The following RIC3 variants were observed in gnomAD, a reference collection of about 807,000 sequenced individuals.
RIC3 encodes the protein protein RIC-3.
RIC3 carries 28 observed loss-of-function variants against 27.3 expected under a neutral mutation model. The ratio of observed to expected loss-of-function variants is 1.02; its 90% CI spans 0.76 to 1.41. The LOEUF (loss-of-function observed/expected upper bound fraction) is 1.41, where lower values mean the gene tolerates loss of function less well. Among genes scored for constraint, RIC3 ranks in the 40% most tolerant of loss-of-function variants. The pLI is 0.00. For missense variants in RIC3, 501 were observed against 444.7 expected (o/e 1.13, Z -1.14); for synonymous variants, 184 against 160.4 (o/e 1.15, Z -1.11).
At chr11:8,164,903 C>A (rs1176088431) in intron 1 of RIC3, among the ~76,000 whole-genome samples, 2 of 150,578 alleles carry the variant, frequency 1.3e-5, no homozygotes, top group Non-Finnish European at 3.0e-5. Context: ...AATAAACACA[C>A]AAAAAATGCT....
rs1268385324 is a variant in RIC3 at position 8,142,406 on chromosome 11, C to CA, written c.125-2214dup. On this transcript the variant is annotated intron_variant, in intron 1 of 5. Transcript: ENST00000309737. Reference sequence around the variant, plus strand: ...AGAGAATACTACAAACACCTCTACGCAAAAAAACTAGAAAATCTAGAAGAA... The same window carrying CA: ...AGAGAATACTACAAACACCTCTACGCAAAAAAAACTAGAAAATCTAGAAGAA... Among the ~76,000 whole-genome samples the CA allele has an allele frequency of 1.8e-4, 28 of 151,632 alleles. No homozygotes were observed. In the East Asian group the frequency reaches 4.3e-3, roughly 23 times the overall value.
the RIC3 span, among the ~76,000 whole-genome samples, chr11:8,099,806 A>G: frequency 6.6e-5 from 10 of 151,888 alleles, no homozygotes; most frequent in Middle Eastern, 3.4e-3. Flanking sequence ...GAAGGAAGTG[A>G]AAAACAGCAG....
At chr11:8,100,910 G>A in the RIC3 span, 3 of 1,614,170 alleles carry the variant, frequency 1.9e-6, no homozygotes, top group Non-Finnish European at 2.5e-6. Flanking sequence ...TGTCTGGAAT[G>A]ATGACACACA....
Position 8,108,036 on chromosome 11 carries a change from CTAAA to C in RIC3, c.*2658_*2661del, listed in dbSNP as rs1243625756. On this transcript the variant is annotated 3_prime_UTR_variant, in exon 6 of 6. Transcript: ENST00000309737. ...AAATCCAAAAAGAATTTTCTAAATC[CTAAA>C]TAACTGAAAGGTACATCCAAATGTC... 1 of 152,150 alleles carries C rather than the reference CTAAA, an allele frequency of 6.6e-6. No individual in the cohort carries two copies. The highest frequency in any genetic ancestry group is 1.9e-4 in the East Asian group (1 of 5,198). The allele number at this position is 152,150 out of a possible 1,614,324, so 9.4% of individuals were successfully genotyped here.
chr11:8,122,864 C>CAAAAAAAA (rs55826618), intron 5 of RIC3, among the ~76,000 whole-genome samples: 1 of 63,510 alleles, frequency 1.6e-5, no homozygotes. Flanking sequence ...ACCAGGTATG[C>CAAAAAAAA]AAAAAAAAAA....
At chr11:8,146,059 T>TTA (rs1056654277) in intron 1 of RIC3, among the ~76,000 whole-genome samples, 2 of 152,132 alleles carry the variant, frequency 1.3e-5, no homozygotes, top group Non-Finnish European at 2.9e-5. Flanking sequence ...TCAAATAAGG[T>TTA]TATATATATG....
At chr11:8,098,368 T>A in the RIC3 span, among the ~76,000 whole-genome samples, 1 of 152,112 alleles carries the variant, frequency 6.6e-6, no homozygotes, top group African/African-American at 2.4e-5. Flanking sequence ...GGACTGAGAC[T>A]TAGGCTGGCT....
intron 5 of RIC3, among the ~76,000 whole-genome samples, chr11:8,123,564 T>A (rs1946693004): frequency 6.6e-6 from 1 of 152,132 alleles, no homozygotes; most frequent in South Asian, 2.1e-4. Context: ...CTTACGTATA[T>A]TAAATGGATA....
chr11:8,110,805 T>C lies in RIC3; in HGVS notation c.1003A>G (p.Lys335Glu). Residue 335 changes from lysine to glutamate, a missense_variant, in exon 6 of 6, where the codon AAA becomes GAA. Transcript: ENST00000309737. The part of the protein sequence containing the change: ...DSYPEQEETT[K>E]EEWSQDFKDE... ...TTAAAGTCTTGGGACCACTCTTCTT[T>C]GGTGGTTTCCTCTTGCTCAGGGTAG... is the stretch of plus-strand genomic sequence containing the variant. 1 of 1,614,216 alleles carries C rather than the reference T, an allele frequency of 6.2e-7. No homozygotes were observed. Among genetic ancestry groups the C allele is most frequent in the Non-Finnish European group, 8.5e-7 (1 of 1,180,018 alleles).
At chr11:8,133,885 T>C (rs1948039069) in intron 4 of RIC3, among the ~76,000 whole-genome samples, 1 of 152,096 alleles carries the variant, frequency 6.6e-6, no homozygotes, top group Non-Finnish European at 1.5e-5. Flanking sequence ...TAAATAATAA[T>C]GAGAAAATAT....
At chr11:8,101,596 G>C, downstream of RIC3, 1 of 1,614,190 alleles carries the variant, frequency 6.2e-7, no homozygotes, top group Non-Finnish European at 8.5e-7. Context: ...GTCCAGCTTC[G>C]ACAGCAAGCT....
intron 5 of RIC3, among the ~76,000 whole-genome samples, chr11:8,111,909 C>G (rs1050540907): frequency 6.6e-6 from 1 of 152,222 alleles, no homozygotes; most frequent in Non-Finnish European, 1.5e-5. Flanking sequence ...GCAGATGGGC[C>G]GTGCTGGAGC....
intron 4 of RIC3, among the ~76,000 whole-genome samples, chr11:8,132,898 C>A (rs1947901748): frequency 6.6e-6 from 1 of 152,130 alleles, no homozygotes; most frequent in Non-Finnish European, 1.5e-5. Flanking sequence ...ACAAATGCCA[C>A]AGAAAATGAG....
At chr11:8,159,298 CAAGG>C (rs1302465534) in intron 1 of RIC3, among the ~76,000 whole-genome samples, 9 of 152,104 alleles carry the variant, frequency 5.9e-5, no homozygotes, top group African/African-American at 2.2e-4. Context: ...TTGGCATATT[CAAGG>C]AACAGTGAGG....
Position 8,110,335 on chromosome 11 carries a change from A to G in RIC3, c.*363T>C. 1 of 367,486 alleles carries G rather than the reference A, an allele frequency of 2.7e-6. No individual in the cohort carries two copies. Among genetic ancestry groups the G allele is most frequent in the East Asian group, 6.7e-5 (1 of 14,884 alleles). The allele number at this position is 367,486 out of a possible 1,614,324, so 22.8% of individuals were successfully genotyped here. A position where few individuals can be genotyped will look rare whatever the true frequency, so the allele number is the denominator to read the frequency against. ...TTAAGTCCTCATCATCTGTAAGCTGATGTTCGTTCACAGGTGAACTATCTG... is the reference window on the plus strand; with the variant it reads ...TTAAGTCCTCATCATCTGTAAGCTGGTGTTCGTTCACAGGTGAACTATCTG... On this transcript the variant is annotated 3_prime_UTR_variant, in exon 6 of 6. Coordinates refer to ENST00000309737, the MANE Select transcript of RIC3 (RefSeq NM_001206671.4).
the RIC3 span, chr11:8,097,125 C>G: frequency 7.5e-7 from 1 of 1,333,762 alleles, no homozygotes; most frequent in South Asian, 1.3e-5. Flanking sequence ...GGATCCTTCC[C>G]TCTCTCCCAC....
chr11:8,112,609 T>A (rs879251035), intron 5 of RIC3, among the ~76,000 whole-genome samples: 1 of 152,228 alleles, frequency 6.6e-6, no homozygotes, highest in African/African-American at 2.4e-5. Flanking sequence ...TGTATTTTCT[T>A]ATTCCCCTTT....
In RIC3 at chr11:8,109,960, A is replaced by G. The variant is rs1162249512; in HGVS notation, c.*738T>C. ...CTGTCCACTGAAAACCAGGAGTGCA[A>G]AGGTACTTCTGGGCTTGGCAGTTCT... On this transcript the variant is annotated 3_prime_UTR_variant, in exon 6 of 6. Coordinates refer to ENST00000309737, the MANE Select transcript of RIC3 (RefSeq NM_001206671.4). 1 of 152,762 alleles carries G rather than the reference A, an allele frequency of 6.5e-6. No homozygotes were observed. The highest frequency in any genetic ancestry group is 2.4e-5 in the African/African-American group (1 of 41,440). The allele number at this position is 152,762 out of a possible 1,614,324, so 9.5% of individuals were successfully genotyped here. A position where few individuals can be genotyped will look rare whatever the true frequency, so the allele number is the denominator to read the frequency against.
At chr11:8,123,322 A>G (rs1946664190) in intron 5 of RIC3, among the ~76,000 whole-genome samples, 1 of 152,184 alleles carries the variant, frequency 6.6e-6, no homozygotes, top group Non-Finnish European at 1.5e-5. Context: ...GGCCAAAAAT[A>G]TAGATCATGG....
Sources: gnomAD v4.1 joint callset for allele counts (sites outside exome capture counted in the v4.1 genomes callset) on GRCh38, gnomAD v4.1.1 for gene constraint, MANE v1.5 for transcripts, NCBI Gene and HGNC (gene_info 2026-07-23, HGNC 2026-07-21) for gene names.